ARHGAP15: variants seen among roughly 807,000 people sequenced by gnomAD.
The protein encoded by ARHGAP15 is rho GTPase-activating protein 15.
Under a neutral mutation model 63.7 loss-of-function variants are expected in ARHGAP15, and 51 were observed. The ratio of observed to expected loss-of-function variants is 0.80; its 90% CI spans 0.64 to 1.01. The LOEUF (loss-of-function observed/expected upper bound fraction) is 1.01, where lower values mean the gene tolerates loss of function less well. ARHGAP15 is among the 50% of genes least tolerant of loss of function. The pLI, the probability that ARHGAP15 is intolerant of heterozygous loss-of-function variation, is 0.00. For synonymous variants in ARHGAP15, 191 were observed against 193.8 expected, an observed-to-expected ratio of 0.99 and a Z score of 0.12; for missense variants, 560 against 564.6, an observed-to-expected ratio of 0.99 and a Z score of 0.08.
chr2:143,709,828 T>C (rs1684497049), intron 13 of ARHGAP15, among the ~76,000 whole-genome samples: 1 of 152,198 alleles, frequency 6.6e-6, no homozygotes, highest in Non-Finnish European at 1.5e-5. Context: ...AAAATGACAC[T>C]GTAGGTATTT....
chr2:143,680,903 T>C (rs1683070148), intron 12 of ARHGAP15, among the ~76,000 whole-genome samples: 1 of 152,208 alleles, frequency 6.6e-6, no homozygotes, highest in African/African-American at 2.4e-5. Flanking sequence ...GACAGATTAC[T>C]ACCTTTGATA....
At chr2:143,654,925 C>T (rs1574780563) in intron 12 of ARHGAP15, among the ~76,000 whole-genome samples, 1 of 152,208 alleles carries the variant, frequency 6.6e-6, no homozygotes, top group East Asian at 1.9e-4. Context: ...AAGCAAGACC[C>T]GTTTCTAAAA....
chr2:143,213,435 C>T (rs1692630810), intron 3 of ARHGAP15, among the ~76,000 whole-genome samples: 1 of 152,136 alleles, frequency 6.6e-6, no homozygotes, highest in Non-Finnish European at 1.5e-5. Flanking sequence ...ATCACTTTAA[C>T]CCAGGAAGCA....
chr2:143,221,141 G>A (rs1342007673), intron 4 of ARHGAP15, among the ~76,000 whole-genome samples: 1 of 151,994 alleles, frequency 6.6e-6, no homozygotes, highest in African/African-American at 2.4e-5. Flanking sequence ...CACTTAATAA[G>A]TATTATTTTA....
chr2:143,687,505 A>G (rs1400399877), intron 12 of ARHGAP15, among the ~76,000 whole-genome samples: 1 of 152,188 alleles, frequency 6.6e-6, no homozygotes, highest in Non-Finnish European at 1.5e-5. Context: ...GGCATTTTAT[A>G]TCTTCTGTAC....
At chr2:143,142,150 A>T (rs971601782) in intron 1 of ARHGAP15, among the ~76,000 whole-genome samples, 2 of 152,058 alleles carry the variant, frequency 1.3e-5, no homozygotes. Context: ...ATTCCAAAAC[A>T]TTGTTCAGGC....
chr2:143,134,739 A>G (rs779105546), intron 1 of ARHGAP15, among the ~76,000 whole-genome samples: 44 of 148,646 alleles, frequency 3.0e-4, no homozygotes, highest in Non-Finnish European at 4.7e-4. Context: ...GGTTCATGCC[A>G]GTCTCCTGCC....
chr2:143,657,126 C>T lies in ARHGAP15; in HGVS notation c.1138+32859C>T, dbSNP rs531712073. On this transcript the variant is annotated intron_variant, in intron 12 of 13. Transcript: ENST00000295095. ...CTTTGGGAGGCTGAGGTGGGCAGAT[C>T]GTGAGGTCAGGAGATCGAGACCATC... Among the ~76,000 whole-genome samples, 218 of 152,234 alleles carry T rather than the reference C, an allele frequency of 1.4e-3. 2 individuals are homozygous for T. Among genetic ancestry groups the T allele is most frequent in the African/African-American group, 5.2e-3 (215 of 41,536 alleles).
At chr2:143,358,230 G>T (rs1356371861) in intron 6 of ARHGAP15, among the ~76,000 whole-genome samples, 1 of 152,174 alleles carries the variant, frequency 6.6e-6, no homozygotes. Flanking sequence ...CACTGGACAC[G>T]GAGCCAAGGC....
chr2:143,598,973 G>A (rs2105187420), intron 11 of ARHGAP15, among the ~76,000 whole-genome samples: 1 of 151,498 alleles, frequency 6.6e-6, no homozygotes, highest in East Asian at 1.9e-4. Context: ...ATTTTTTGAA[G>A]TTAGAAAGTA....
intron 11 of ARHGAP15, among the ~76,000 whole-genome samples, chr2:143,596,598 A>G (rs1027805954): frequency 1.3e-5 from 2 of 152,178 alleles, no homozygotes; most frequent in African/African-American, 4.8e-5. Context: ...CCATTTGCCT[A>G]AAATAATCTC....
intron 10 of ARHGAP15, among the ~76,000 whole-genome samples, chr2:143,531,889 T>A (rs1694537424): frequency 6.6e-6 from 1 of 152,214 alleles, no homozygotes; most frequent in Admixed American, 6.5e-5. Flanking sequence ...TAAGAGTCAG[T>A]CTTCAGAATG....
At position 143,370,547 on chromosome 2, in the gene ARHGAP15, A is replaced by G. The variant is rs74270556; in HGVS notation, c.475-65054A>G. On this transcript the variant is annotated intron_variant, in intron 6 of 13. Coordinates refer to ENST00000295095, the MANE Select transcript of ARHGAP15 (RefSeq NM_018460.4). Reference sequence around the variant, plus strand: ...TCAAGTCATACTGATTATATTGTATATACTTACAGCTTTTGTAATTATTTA... The same window carrying G: ...TCAAGTCATACTGATTATATTGTATGTACTTACAGCTTTTGTAATTATTTA... Among the ~76,000 whole-genome samples the G allele has an allele frequency of 2.9e-3, 447 of 152,338 alleles. 11 individuals are homozygous for G. In the East Asian group the frequency reaches 0.078, roughly 27 times the overall value.
chr2:143,353,548 A>C (rs937349958), intron 6 of ARHGAP15, among the ~76,000 whole-genome samples: 1 of 152,082 alleles, frequency 6.6e-6, no homozygotes, highest in Non-Finnish European at 1.5e-5. Flanking sequence ...TAGAATCTCA[A>C]AATTTTTACT....
chr2:143,538,614 C>T (rs545893796), intron 10 of ARHGAP15, among the ~76,000 whole-genome samples: 7 of 152,232 alleles, frequency 4.6e-5, no homozygotes, highest in Admixed American at 3.3e-4. Context: ...TGTCAAAGGC[C>T]TTTTCTGCAT....
intron 11 of ARHGAP15, among the ~76,000 whole-genome samples, chr2:143,612,900 G>A (rs1344427860): frequency 1.3e-5 from 2 of 152,206 alleles, no homozygotes; most frequent in Non-Finnish European, 2.9e-5. Flanking sequence ...ATTCCTGCAT[G>A]TGAGGCACTT....
At chr2:143,413,546 G>T (rs1040372684) in intron 6 of ARHGAP15, among the ~76,000 whole-genome samples, 1 of 152,106 alleles carries the variant, frequency 6.6e-6, no homozygotes, top group African/African-American at 2.4e-5. Flanking sequence ...ATAGCTCACC[G>T]TAATCTTGTG....
intron 6 of ARHGAP15, among the ~76,000 whole-genome samples, chr2:143,356,000 T>C (rs968243303): frequency 2.0e-5 from 3 of 152,004 alleles, no homozygotes; most frequent in African/African-American, 4.8e-5. Context: ...ACTGACAGGC[T>C]ATATGACTCA....
At chr2:143,692,875 G>A (rs1013889906) in intron 12 of ARHGAP15, among the ~76,000 whole-genome samples, 3 of 152,102 alleles carry the variant, frequency 2.0e-5, no homozygotes, top group African/African-American at 7.2e-5. Flanking sequence ...TGCAAGGTAG[G>A]CAGACTAACA....
Sources: gnomAD v4.1 joint callset for allele counts (sites outside exome capture counted in the v4.1 genomes callset) on GRCh38, gnomAD v4.1.1 for gene constraint, MANE v1.5 for transcripts, NCBI Gene and HGNC (gene_info 2026-07-23, HGNC 2026-07-21) for gene names.